AQR: variants seen among roughly 807,000 people sequenced by gnomAD.
AQR encodes RNA helicase aquarius.
AQR carries 61 observed loss-of-function variants against 180.5 expected under a neutral mutation model. The ratio of observed to expected loss-of-function variants is 0.34; its 90% CI spans 0.28 to 0.42. The LOEUF (loss-of-function observed/expected upper bound fraction) is 0.42. AQR is among the 10% of genes least tolerant of loss of function. AQR has a pLI of 1.00. For missense variants in AQR, 1,281 were observed against 1,798.3 expected, an observed-to-expected ratio of 0.71 and a Z score of 5.20; for synonymous variants, 551 against 588.8, an observed-to-expected ratio of 0.94 and a Z score of 0.93.
At chr15:34,915,242 T>C (rs1351813995) in intron 15 of AQR, 63 bp from the exon 16 acceptor site, 7 of 1,412,540 alleles carry the variant, frequency 5.0e-6, no homozygotes, top group Non-Finnish European at 6.6e-6. Context: ...AGTCTCACTC[T>C]GTCACCTGCA....
chr15:34,930,293 T>C lies in AQR; in HGVS notation c.979A>G (p.Thr327Ala). ...TGNALTENEM[T>A]TIHYDRITSL... The stretch of plus-strand genomic sequence containing the variant: ...GTAATTCTATCATAGTGAATTGTGG[T>C]CATCTCATTCTCTGTCAGAGCATTT... The change falls in exon 12 of 35, where the codon ACC becomes GCC. Residue 327 changes from threonine (T) to alanine (A), a missense_variant. Thr to Ala is a moderately conservative substitution (Grantham distance 58, BLOSUM62 0). Coordinates refer to ENST00000156471, the MANE Select transcript of AQR (RefSeq NM_014691.3). The C allele has an allele frequency of 6.2e-7, 1 of 1,608,026 alleles. No individual in the cohort carries two copies. The highest frequency in any genetic ancestry group is 1.7e-4 in the Middle Eastern group (1 of 6,040).
intron 20 of AQR, 49 bp from the exon 21 acceptor site, chr15:34,897,754 T>C: frequency 6.3e-7 from 1 of 1,592,606 alleles, no homozygotes; most frequent in Non-Finnish European, 8.6e-7. Context: ...AAGGATTTAC[T>C]GAGTACCTAT....
At chr15:34,959,361 G>T (rs141399621) in intron 3 of AQR, among the ~76,000 whole-genome samples, 10 of 152,126 alleles carry the variant, frequency 6.6e-5, no homozygotes, top group African/African-American at 2.4e-4. Context: ...ACAGGGTTTT[G>T]CCATGTTGCT....
chr15:34,904,152 T>C (rs1430889587), intron 19 of AQR, among the ~76,000 whole-genome samples, 184 bp downstream of exon 19: 1 of 152,128 alleles, frequency 6.6e-6, no homozygotes, highest in Non-Finnish European at 1.5e-5. Flanking sequence ...AAGAAATCAA[T>C]TTCTTTAAAT....
intron 32 of AQR, among the ~76,000 whole-genome samples, chr15:34,864,879 G>A (rs144604630): frequency 1.3e-5 from 2 of 152,214 alleles, no homozygotes; most frequent in East Asian, 3.9e-4. Flanking sequence ...ATCTTCCAAG[G>A]ATATATTAAT....
chr15:34,873,904 A>G lies in AQR; in HGVS notation c.3521T>C (p.Leu1174Pro). Residue 1174 changes from leucine (L) to proline (P), a missense_variant, in exon 30 of 35, where the codon CTG becomes CCG. Transcript: ENST00000156471. ...PEFSTANAGL[L>P]YDFQLINVED... The stretch of plus-strand genomic sequence containing the variant: ...AACATTAATGAGCTGGAAGTCATAC[A>G]GTAAGCCAGCATTTGCTGTACTAAA... The G allele has an allele frequency of 6.2e-7, 1 of 1,612,428 alleles. No individual in the cohort carries two copies. Among genetic ancestry groups the G allele is most frequent in the Non-Finnish European group, 8.5e-7 (1 of 1,179,040 alleles).
chr15:34,869,221 T>C (rs1395483097), intron 31 of AQR: 2 of 152,146 alleles, frequency 1.3e-5, no homozygotes, highest in Non-Finnish European at 2.9e-5. Flanking sequence ...TAGGTAGTGG[T>C]ATATCATTGT....
intron 27 of AQR, 80 bp from the exon 28 acceptor site, chr15:34,876,086 C>G: frequency 1.9e-6 from 2 of 1,032,392 alleles, no homozygotes; most frequent in Non-Finnish European, 2.9e-6. Flanking sequence ...TCAAAAAAAC[C>G]CCAAATAATT....
chr15:34,879,508 C>T (rs1369159554), intron 27 of AQR, among the ~76,000 whole-genome samples: 1 of 152,158 alleles, frequency 6.6e-6, no homozygotes, highest in Admixed American at 6.5e-5. Context: ...CCAGAATCCA[C>T]CCCCTGTATA....
At chr15:34,871,903 T>C (rs540692449) in intron 30 of AQR, among the ~76,000 whole-genome samples, 1 of 140,436 alleles carries the variant, frequency 7.1e-6, no homozygotes, top group African/African-American at 2.7e-5. Flanking sequence ...AGAGACTAAA[T>C]CCAAAGTACT....
chr15:34,904,078 A>T (rs1280035821), intron 19 of AQR, among the ~76,000 whole-genome samples: 1 of 152,128 alleles, frequency 6.6e-6, no homozygotes, highest in Non-Finnish European at 1.5e-5. Flanking sequence ...GTGGACCTTT[A>T]GAATAACACT....
chr15:34,863,602 A>T (rs1201607697), intron 32 of AQR, among the ~76,000 whole-genome samples: 2 of 152,186 alleles, frequency 1.3e-5, no homozygotes, highest in African/African-American at 4.8e-5. Flanking sequence ...AACATGTTTT[A>T]TCCATGTATT....
chr15:34,858,846 T>G (rs1366090878), intron 34 of AQR, among the ~76,000 whole-genome samples: 1 of 152,190 alleles, frequency 6.6e-6, no homozygotes. Flanking sequence ...AAAAATCGCC[T>G]ATTAGGGAAG....
intron 24 of AQR, among the ~76,000 whole-genome samples, chr15:34,888,492 C>T (rs1348201949): frequency 6.6e-6 from 1 of 151,880 alleles, no homozygotes; most frequent in African/African-American, 2.4e-5. Flanking sequence ...CTCAGGAGTT[C>T]AAGACCAGCC....
intron 33 of AQR, 143 bp from the exon 34 acceptor site, chr15:34,860,298 G>A: frequency 2.5e-6 from 1 of 402,760 alleles, no homozygotes; most frequent in Non-Finnish European, 4.4e-6. Flanking sequence ...TAAAATGCAA[G>A]TGTGAAGAGT....
intron 3 of AQR, among the ~76,000 whole-genome samples, chr15:34,958,223 T>C (rs1894356287): frequency 1.3e-5 from 2 of 151,302 alleles, no homozygotes; most frequent in African/African-American, 4.9e-5. Flanking sequence ...TAAAAAAGAA[T>C]AACGGTAGGG....
intron 12 of AQR, among the ~76,000 whole-genome samples, chr15:34,928,965 T>C (rs28867730): frequency 0.017 from 2,571 of 152,356 alleles, 53 homozygotes; most frequent in Admixed American, 0.064. Context: ...TTTTTCTTCA[T>C]ATGTTCGTTG....
chr15:34,868,035 A>C (rs1031655735), intron 31 of AQR: 5 of 163,276 alleles, frequency 3.1e-5, no homozygotes, highest in African/African-American at 1.2e-4. Context: ...CATCAAAGAA[A>C]AAAACAAATA....
chr15:34,863,894 A>AT (rs1024350517), intron 32 of AQR, among the ~76,000 whole-genome samples: 1 of 152,174 alleles, frequency 6.6e-6, no homozygotes, highest in Non-Finnish European at 1.5e-5. Context: ...CAGAGGACAG[A>AT]TTTTTTACCT....
Sources: gnomAD v4.1 joint callset for allele counts (sites outside exome capture counted in the v4.1 genomes callset) on GRCh38, gnomAD v4.1.1 for gene constraint, MANE v1.5 for transcripts, NCBI Gene and HGNC (gene_info 2026-07-23, HGNC 2026-07-21) for gene names.